Variants in MFSD11 observed in about 807,000 individuals in gnomAD.
MFSD11 encodes the protein major facilitator superfamily domain containing 11.
Under a neutral mutation model 53.5 loss-of-function variants are expected in MFSD11, and 36 were observed. That is an observed-to-expected ratio of 0.67 (90% confidence interval 0.52 to 0.89). The LOEUF (loss-of-function observed/expected upper bound fraction) is 0.89, where lower values mean the gene tolerates loss of function less well. Among genes scored for constraint, MFSD11 ranks in the 40% least tolerant of loss-of-function variants. The pLI is 0.00. For missense variants in MFSD11, 530 were observed against 543.9 expected, an observed-to-expected ratio of 0.97 and a Z score of 0.25; for synonymous variants, 186 against 184.9, an observed-to-expected ratio of 1.01 and a Z score of -0.05.
chr17:76,774,026 A>G (rs1255277809), intron 10 of MFSD11, among the ~76,000 whole-genome samples: 1 of 151,890 alleles, frequency 6.6e-6, no homozygotes, highest in Non-Finnish European at 1.5e-5. Context: ...CCTGGGTTCA[A>G]GTGATTCTCC....
chr17:76,755,791 C>CATATATATATATATATATATATATAT (rs71158064), intron 8 of MFSD11, among the ~76,000 whole-genome samples: 2 of 16,104 alleles, frequency 1.2e-4, no homozygotes, highest in African/African-American at 4.7e-4. Context: ...TGTGTGTATA[C>CATATATATATATATATATATATATAT]ATATATATAT....
At chr17:76,742,753 C>G (rs2078214137) in intron 5 of MFSD11, among the ~76,000 whole-genome samples, 1 of 152,168 alleles carries the variant, frequency 6.6e-6, no homozygotes, top group African/African-American at 2.4e-5. Flanking sequence ...ATCCGCCCGC[C>G]TTGGGCTCCC....
chr17:76,766,549 A>G (rs2080876857), intron 8 of MFSD11, among the ~76,000 whole-genome samples: 2 of 152,062 alleles, frequency 1.3e-5, no homozygotes, highest in African/African-American at 2.4e-5. Flanking sequence ...TTTGCTGGAA[A>G]TACTTGAAAA....
intron 10 of MFSD11, among the ~76,000 whole-genome samples, chr17:76,772,850 G>A (rs148889623): frequency 6.6e-6 from 1 of 152,232 alleles, no homozygotes; most frequent in Admixed American, 6.5e-5. Context: ...GTTCTTAGAT[G>A]TAGTTCATTT....
chr17:76,761,689 G>T (rs1027756410), intron 8 of MFSD11, among the ~76,000 whole-genome samples: 2 of 151,804 alleles, frequency 1.3e-5, no homozygotes, highest in Admixed American at 1.3e-4. Flanking sequence ...TTGGGAGGCC[G>T]AGGCGGGCGG....
chr17:76,755,774 G>A (rs1451752083), intron 8 of MFSD11, among the ~76,000 whole-genome samples: 2 of 5,326 alleles, frequency 3.8e-4, no homozygotes, highest in Non-Finnish European at 2.9e-3. Context: ...ATGTACGTGT[G>A]TGTGTGTGTG....
intron 7 of MFSD11, among the ~76,000 whole-genome samples, chr17:76,745,808 T>TTTAC (rs756056229): frequency 6.0e-4 from 51 of 84,966 alleles, no homozygotes; most frequent in East Asian, 1.4e-3. Context: ...CACTTTATTA[T>TTTAC]TTACTTATTT....
the MFSD11 span, among the ~76,000 whole-genome samples, chr17:76,786,579 A>C: frequency 6.6e-6 from 1 of 152,192 alleles, no homozygotes; most frequent in African/African-American, 2.4e-5. Flanking sequence ...ATCCAGACAC[A>C]GGCTTCCTAT....
At chr17:76,742,394 A>C in intron 5 of MFSD11, 121 bp downstream of exon 5, 1 of 761,160 alleles carries the variant, frequency 1.3e-6, no homozygotes, top group Non-Finnish European at 2.2e-6. Flanking sequence ...TTCTAGCTAA[A>C]TGTGACGTGA....
chr17:76,745,979 A>G (rs2078509010), intron 7 of MFSD11, among the ~76,000 whole-genome samples: 1 of 152,156 alleles, frequency 6.6e-6, no homozygotes, highest in African/African-American at 2.4e-5. Context: ...TGACTAATCA[A>G]GAAATGACTA....
intron 10 of MFSD11, among the ~76,000 whole-genome samples, chr17:76,771,651 G>A (rs2081383454): frequency 6.6e-6 from 1 of 152,222 alleles, no homozygotes; most frequent in Non-Finnish European, 1.5e-5. Context: ...ACCTGGAGCA[G>A]GACAAGGTCT....
upstream of MFSD11, chr17:76,737,693 C>T (rs1016843369): frequency 3.4e-5 from 6 of 174,674 alleles, no homozygotes; most frequent in Middle Eastern, 2.3e-3. Context: ...TTTTGCTCAG[C>T]CGTCAGCCCC....
At chr17:76,759,315 C>T (rs1036524807) in intron 8 of MFSD11, among the ~76,000 whole-genome samples, 8 of 151,558 alleles carry the variant, frequency 5.3e-5, no homozygotes, top group African/African-American at 1.9e-4. Flanking sequence ...TGGACTGGCA[C>T]TCTGTCACCC....
the MFSD11 span, among the ~76,000 whole-genome samples, chr17:76,803,185 A>C: frequency 1.4e-5 from 2 of 144,662 alleles, no homozygotes; most frequent in Admixed American, 1.3e-4. Context: ...CAAAACAAAC[A>C]AAAAAAAACC....
chr17:76,781,515 A>C (rs2082163533), downstream of MFSD11: 1 of 152,150 alleles, frequency 6.6e-6, no homozygotes. Flanking sequence ...TCACACTGAG[A>C]CTTACATGGA....
At chr17:76,737,342 C>G (rs906726901), upstream of MFSD11, 4 of 757,214 alleles carry the variant, frequency 5.3e-6, no homozygotes, top group Non-Finnish European at 6.0e-6. Context: ...GGGCGGGCAG[C>G]CGGCCTCTGC....
chr17:76,741,647 G>T (rs2078093731), intron 3 of MFSD11, among the ~76,000 whole-genome samples: 1 of 152,026 alleles, frequency 6.6e-6, no homozygotes, highest in Non-Finnish European at 1.5e-5. Flanking sequence ...AATTAGCCGG[G>T]CTTGGTGGCA....
At chr17:76,740,885 T>G in intron 2 of MFSD11, 72 bp from the exon 3 acceptor site, 1 of 843,612 alleles carries the variant, frequency 1.2e-6, no homozygotes. Flanking sequence ...AAATGGATTT[T>G]AAACAGTGAC....
In MFSD11 at chr17:76,760,162, G is replaced by A. The variant is rs557142472; in HGVS notation, c.682+6075G>A. ...TGGCGCCTATAATCCCAGCTCCTCG[G>A]GAGGCTGAGGCAGGAGAATTGCTTG... On this transcript the variant is annotated intron_variant, in intron 8 of 12. Coordinates refer to ENST00000685175, the MANE Select transcript of MFSD11 (RefSeq NM_001242532.5). Among the ~76,000 whole-genome samples the A allele has an allele frequency of 5.5e-4, 84 of 151,664 alleles. 1 individual carries two copies. Among genetic ancestry groups the A allele is most frequent in the Non-Finnish European group, 9.9e-4 (67 of 67,900 alleles).
Sources: gnomAD v4.1 joint callset for allele counts (sites outside exome capture counted in the v4.1 genomes callset) on GRCh38, gnomAD v4.1.1 for gene constraint, MANE v1.5 for transcripts, NCBI Gene and HGNC (gene_info 2026-07-23, HGNC 2026-07-21) for gene names.